Variants in DPH6 observed in about 807,000 individuals in gnomAD.
DPH6 encodes the protein diphthamine biosynthesis 6.
Under a neutral mutation model 38.2 loss-of-function variants are expected in DPH6, and 33 were observed. The ratio of observed to expected loss-of-function variants is 0.86; its 90% CI spans 0.65 to 1.15. The LOEUF is 1.15. Ranked by LOEUF, DPH6 falls within the 50% of genes most tolerant of loss-of-function variation. DPH6 has a pLI of 0.00. For missense variants in DPH6, 325 were observed against 320.0 expected (o/e 1.02, Z -0.12); for synonymous variants, 108 against 103.0 (o/e 1.05, Z -0.30).
downstream of DPH6, among the ~76,000 whole-genome samples, chr15:35,367,628 A>G (rs1217459621): frequency 6.6e-6 from 1 of 151,704 alleles, no homozygotes; most frequent in Non-Finnish European, 1.5e-5. Context: ...TTATTTGGTT[A>G]TTTTGTTTAG....
intron 3 of DPH6, among the ~76,000 whole-genome samples, chr15:35,511,424 CAT>C (rs1208524587): frequency 6.6e-6 from 1 of 151,462 alleles, no homozygotes; most frequent in Non-Finnish European, 1.5e-5. Flanking sequence ...TACATACACA[CAT>C]GTGAGATGAA....
chr15:35,228,791 T>C (rs1457512257), intron 3 of DPH6, among the ~76,000 whole-genome samples: 1 of 152,228 alleles, frequency 6.6e-6, no homozygotes, highest in Admixed American at 6.5e-5. Flanking sequence ...AAAGTCTTTA[T>C]CTTTCCTTCA....
At chr15:35,368,079 A>T (rs2052676212), downstream of DPH6, among the ~76,000 whole-genome samples, 1 of 151,988 alleles carries the variant, frequency 6.6e-6, no homozygotes, top group South Asian at 2.1e-4. Flanking sequence ...AAGTCCTTAA[A>T]CAACTAAACA....
At chr15:35,534,355 C>A (rs1295040977) in intron 3 of DPH6, among the ~76,000 whole-genome samples, 36 of 125,672 alleles carry the variant, frequency 2.9e-4, no homozygotes, top group African/African-American at 1.0e-3. Context: ...CCAGCCTGGG[C>A]AACAAGAGCG....
chr15:35,186,357 T>G, the DPH6 span, among the ~76,000 whole-genome samples: 7 of 152,136 alleles, frequency 4.6e-5, no homozygotes, highest in Non-Finnish European at 1.0e-4. Context: ...CTAATCCAGT[T>G]CTATGATTTT....
intron 6 of DPH6, chr15:35,401,064 C>T: frequency 2.2e-6 from 2 of 898,276 alleles, no homozygotes; most frequent in Admixed American, 1.7e-5. Context: ...TTATTTTCAA[C>T]AGTACAGAAA....
intron 3 of DPH6, among the ~76,000 whole-genome samples, chr15:35,257,163 T>C (rs1328452310): frequency 2.0e-5 from 3 of 152,132 alleles, no homozygotes; most frequent in African/African-American, 4.8e-5. Flanking sequence ...GACATTAGCA[T>C]AGCATACCAG....
chr15:35,397,232 T>C (rs1018764057), intron 6 of DPH6, among the ~76,000 whole-genome samples: 3 of 152,238 alleles, frequency 2.0e-5, no homozygotes, highest in African/African-American at 7.2e-5. Context: ...AATACATTTC[T>C]GTTTACCTTT....
intron 6 of DPH6, among the ~76,000 whole-genome samples, chr15:35,383,174 C>T (rs1208379806): frequency 2.0e-5 from 3 of 152,030 alleles, no homozygotes; most frequent in South Asian, 4.1e-4. Context: ...TTCTGTAATC[C>T]ACCACCAAAG....
rs530146104 is a variant in DPH6 at position 35,521,297 on chromosome 15, T to A, written c.312+16977A>T. 1.9e-5 allele frequency: 19 copies of A among 990,366 alleles called. No homozygotes were observed. In the East Asian group the frequency reaches 1.3e-3, roughly 69 times the overall value. 61.3% of individuals were successfully genotyped at this position (990,366 alleles called of 1,614,324 possible). A position where few individuals can be genotyped will look rare whatever the true frequency, so the allele number is the denominator to read the frequency against. On this transcript the variant is annotated intron_variant, in intron 3 of 8. Coordinates refer to ENST00000256538, the MANE Select transcript of DPH6 (RefSeq NM_080650.4). ...AAACAGAAAGCTTTTATAATGGTCC[T>A]GTAATTCACTAAACATAATAAACAA...
chr15:35,287,060 A>G (rs900945224), intron 3 of DPH6, among the ~76,000 whole-genome samples: 1 of 152,190 alleles, frequency 6.6e-6, no homozygotes, highest in African/African-American at 2.4e-5. Flanking sequence ...TGAAGTCTAC[A>G]ATACCAACTC....
intron 3 of DPH6, among the ~76,000 whole-genome samples, chr15:35,360,302 ACAGGTG>A (rs2052603176): frequency 6.9e-6 from 1 of 144,900 alleles, no homozygotes; most frequent in Non-Finnish European, 1.5e-5. Context: ...TACTGCGGGC[ACAGGTG>A]GGCACAATTC....
intron 3 of DPH6, among the ~76,000 whole-genome samples, chr15:35,314,204 C>T (rs113655018): frequency 8.6e-5 from 13 of 151,930 alleles, no homozygotes; most frequent in African/African-American, 2.4e-4. Context: ...TACTCAATAT[C>T]AGTAATCAGA....
chr15:35,438,614 T>G (rs1169101198), intron 5 of DPH6, among the ~76,000 whole-genome samples: 1 of 152,234 alleles, frequency 6.6e-6, no homozygotes, highest in African/African-American at 2.4e-5. Context: ...CCTATAACTA[T>G]TGGATCTGCT....
downstream of DPH6, among the ~76,000 whole-genome samples, chr15:35,328,361 G>GTC (rs573547572): frequency 7.0e-3 from 1,058 of 150,678 alleles, 14 homozygotes; most frequent in African/African-American, 0.024. Flanking sequence ...TTCCCTTTTT[G>GTC]TCTCTCTCTC....
chr15:35,157,891 A>G, the DPH6 span, among the ~76,000 whole-genome samples: 77 of 152,176 alleles, frequency 5.1e-4, no homozygotes, highest in Non-Finnish European at 9.1e-4. Flanking sequence ...GGGGAGCTGT[A>G]GCAATCAAAT....
At chr15:35,471,736 T>C (rs1268986414) in intron 3 of DPH6, among the ~76,000 whole-genome samples, 4 of 152,346 alleles carry the variant, frequency 2.6e-5, no homozygotes, top group Middle Eastern at 6.8e-3. Flanking sequence ...TGAAACCATA[T>C]TTGATCTTAC....
At chr15:35,366,368 A>C (rs192234392), downstream of DPH6, among the ~76,000 whole-genome samples, 71 of 151,956 alleles carry the variant, frequency 4.7e-4, no homozygotes, top group African/African-American at 1.4e-3. Context: ...AGTTCAATGG[A>C]AAGTTTTAAA....
intron 3 of DPH6, among the ~76,000 whole-genome samples, chr15:35,314,641 TAAC>T (rs2052172661): frequency 1.3e-5 from 2 of 152,178 alleles, no homozygotes; most frequent in South Asian, 4.1e-4. Flanking sequence ...GCTGATCTTC[TAAC>T]AACTACACGA....
Sources: gnomAD v4.1 joint callset for allele counts (sites outside exome capture counted in the v4.1 genomes callset) on GRCh38, gnomAD v4.1.1 for gene constraint, MANE v1.5 for transcripts, NCBI Gene and HGNC (gene_info 2026-07-23, HGNC 2026-07-21) for gene names.